The following SLIT3 variants were observed in gnomAD, a reference collection of about 807,000 sequenced individuals.
SLIT3 encodes slit homolog 3 protein.
SLIT3 carries 68 observed loss-of-function variants against 184.0 expected under a neutral mutation model. The observed-to-expected ratio is 0.37, with a 90% CI of 0.30 to 0.45. The LOEUF (loss-of-function observed/expected upper bound fraction) is 0.45. SLIT3 is among the 20% of genes least tolerant of loss of function. SLIT3 has a pLI of 1.00. For synonymous variants in SLIT3, 831 were observed against 828.6 expected (o/e 1.00, Z -0.05); for missense variants, 1,707 against 2,026.0 (o/e 0.84, Z 3.02).
intron 4 of SLIT3, among the ~76,000 whole-genome samples, chr5:168,971,616 T>A (rs114739705): frequency 7.4e-4 from 112 of 152,346 alleles, no homozygotes; most frequent in African/African-American, 2.7e-3. Context: ...CTGTCTTCAA[T>A]CATTGAGAAG....
At chr5:169,248,661 G>A (rs554304834) in intron 2 of SLIT3, among the ~76,000 whole-genome samples, 3 of 152,274 alleles carry the variant, frequency 2.0e-5, no homozygotes, top group African/African-American at 7.2e-5. Flanking sequence ...GATCAGGATC[G>A]GAAATCGCCC....
Position 168,947,468 on chromosome 5 carries a change from T to A in SLIT3, c.414-64132A>T, listed in dbSNP as rs193112476. 9.2e-5 allele frequency among the ~76,000 whole-genome samples: 14 copies of A among 152,154 alleles called. No individual in the cohort carries two copies. In the East Asian group the frequency reaches 1.4e-3, roughly 15 times the overall value. ...TGGCCAGGAGGTGGCAGTGCAGAGATGTTGCATGGGACTGTGGCCCAAAAA... is the reference window on the plus strand; with the variant it reads ...TGGCCAGGAGGTGGCAGTGCAGAGAAGTTGCATGGGACTGTGGCCCAAAAA... On this transcript the variant is annotated intron_variant, in intron 4 of 35. Coordinates refer to ENST00000519560, the MANE Select transcript of SLIT3 (RefSeq NM_003062.4).
At chr5:168,926,592 TG>T (rs1761831898) in intron 4 of SLIT3, among the ~76,000 whole-genome samples, 1 of 152,196 alleles carries the variant, frequency 6.6e-6, no homozygotes, top group Non-Finnish European at 1.5e-5. Flanking sequence ...GATCTAACCG[TG>T]TTAAAGCCCC....
chr5:168,997,622 T>C (rs1292680869), intron 4 of SLIT3, among the ~76,000 whole-genome samples: 1 of 152,158 alleles, frequency 6.6e-6, no homozygotes, highest in Non-Finnish European at 1.5e-5. Context: ...AGCTGCTGCA[T>C]GCAGGAGACC....
Position 168,891,657 on chromosome 5 carries a change from G to A in SLIT3, c.414-8321C>T, listed in dbSNP as rs118009053. ...TGAGGTCCAAGCACTATGGAGATAAGATGCTTGGTCCCAGGGGAGCATTCT... is the reference window on the plus strand; with the variant it reads ...TGAGGTCCAAGCACTATGGAGATAAAATGCTTGGTCCCAGGGGAGCATTCT... On this transcript the variant is annotated intron_variant, in intron 4 of 35. Coordinates refer to ENST00000519560, the MANE Select transcript of SLIT3 (RefSeq NM_003062.4). Among the ~76,000 whole-genome samples the A allele has an allele frequency of 8.9e-3, 1,348 of 152,298 alleles. 14 individuals carry two copies. The highest frequency in any genetic ancestry group is 0.04 in the South Asian group (191 of 4,812).
intron 32 of SLIT3, among the ~76,000 whole-genome samples, chr5:168,675,091 G>T (rs547087835): frequency 6.6e-6 from 1 of 152,288 alleles, no homozygotes; most frequent in African/African-American, 2.4e-5. Flanking sequence ...CACCCTCGGC[G>T]GGGGCTGGGA....
rs533262401 is a variant in SLIT3, at chr5:169,183,255, G to A, written c.413+10224C>T. On this transcript the variant is annotated intron_variant, in intron 4 of 35. Coordinates refer to ENST00000519560, the MANE Select transcript of SLIT3 (RefSeq NM_003062.4). ...ACTGAGTCCCAAGTATAAGCTGGGT[G>A]TTTGTTTTATTTTTCCATTTTCCTC... 3.3e-5 allele frequency among the ~76,000 whole-genome samples: 5 copies of A among 152,306 alleles called. No individual in the cohort carries two copies. The East Asian group carries it at 9.6e-4, about 29-fold the overall frequency.
chr5:168,836,655 C>T (rs771723431), intron 6 of SLIT3, among the ~76,000 whole-genome samples: 5 of 152,154 alleles, frequency 3.3e-5, no homozygotes, highest in Non-Finnish European at 7.3e-5. Context: ...AGAGATCTGG[C>T]AGCTGGAATG....
intron 5 of SLIT3, among the ~76,000 whole-genome samples, chr5:168,867,913 G>T (rs1296719122): frequency 6.6e-5 from 10 of 152,208 alleles, no homozygotes; most frequent in African/African-American, 2.4e-4. Flanking sequence ...CAGTGACTGG[G>T]AGGCATGATC....
intron 4 of SLIT3, among the ~76,000 whole-genome samples, chr5:169,063,891 T>A (rs1362418986): frequency 6.6e-6 from 1 of 152,194 alleles, no homozygotes; most frequent in African/African-American, 2.4e-5. Context: ...CCATTTCCTC[T>A]CAACATAAAT....
In SLIT3 at chr5:169,096,506, A is replaced by G. The variant is rs575723196; in HGVS notation, c.413+96973T>C. ...CCTTGTGCCTGAAAAGCAGCCATAG[A>G]TATGTAAATAAGTGAGTGTGGCTGT... On this transcript the variant is annotated intron_variant, in intron 4 of 35. Transcript: ENST00000519560. Among the ~76,000 whole-genome samples, 54 of 152,364 alleles carry G rather than the reference A, an allele frequency of 3.5e-4. 1 individual carries two copies. In the East Asian group the frequency reaches 0.01, roughly 29 times the overall value.
At chr5:169,193,333 A>G in intron 4 of SLIT3, 146 bp downstream of exon 4, 1 of 695,104 alleles carries the variant, frequency 1.4e-6, no homozygotes, top group Non-Finnish European at 2.6e-6. Flanking sequence ...TTGGGGGTAG[A>G]CGTCATGTCA....
At chr5:168,743,554 C>T (rs544574841) in intron 20 of SLIT3, among the ~76,000 whole-genome samples, 1 of 152,136 alleles carries the variant, frequency 6.6e-6, no homozygotes, top group Non-Finnish European at 1.5e-5. Context: ...CTCGGACCTC[C>T]CTATTTCCGG....
At chr5:168,905,797 C>T (rs1482172125) in intron 4 of SLIT3, among the ~76,000 whole-genome samples, 1 of 152,180 alleles carries the variant, frequency 6.6e-6, no homozygotes, top group Admixed American at 6.5e-5. Context: ...CCTGCCTTTC[C>T]ACCATCACCC....
At chr5:168,751,653 G>A (rs1754716552) in intron 18 of SLIT3, among the ~76,000 whole-genome samples, 1 of 152,020 alleles carries the variant, frequency 6.6e-6, no homozygotes, top group African/African-American at 2.4e-5. Flanking sequence ...ACCCGGGCAG[G>A]AGCACTCCTT....
At chr5:168,719,205 C>G (rs767268571) in intron 23 of SLIT3, among the ~76,000 whole-genome samples, 5 of 152,216 alleles carry the variant, frequency 3.3e-5, no homozygotes, top group Admixed American at 6.5e-5. Flanking sequence ...GCACACATCA[C>G]TATGCCCGGC....
intron 4 of SLIT3, among the ~76,000 whole-genome samples, chr5:169,048,730 C>T (rs970587256): frequency 6.6e-5 from 10 of 152,118 alleles, no homozygotes; most frequent in Admixed American, 4.6e-4. Context: ...TAATAACAGC[C>T]GTATTAAGTT....
intron 1 of SLIT3, among the ~76,000 whole-genome samples, chr5:169,285,157 T>C (rs939793502): frequency 2.6e-5 from 4 of 152,050 alleles, no homozygotes; most frequent in African/African-American, 9.7e-5. Flanking sequence ...GCTCAACTGA[T>C]CCTCCCACCT....
At chr5:168,998,893 C>CTGTGTGTGTGTGTGTGTG (rs71575505) in intron 4 of SLIT3, among the ~76,000 whole-genome samples, 48 of 143,288 alleles carry the variant, frequency 3.3e-4, no homozygotes, top group African/African-American at 1.2e-3. Flanking sequence ...ACCCAGAAAT[C>CTGTGTGTGTGTGTGTGTG]TGTGTGTGTG....
Sources: allele counts gnomAD v4.1 joint callset (sites outside exome capture counted in the v4.1 genomes callset), GRCh38; gene constraint gnomAD v4.1.1; transcripts MANE v1.5; gene names NCBI Gene and HGNC (gene_info 2026-07-23, HGNC 2026-07-21).